COL26A1: variants seen among roughly 807,000 people sequenced by gnomAD.
COL26A1 encodes collagen type XXVI alpha 1 chain.
A neutral mutation model predicts 59.3 loss-of-function variants in COL26A1; 41 were observed. The observed-to-expected ratio is 0.69, with a 90% confidence interval of 0.54 to 0.90. The LOEUF (loss-of-function observed/expected upper bound fraction) is 0.90. Ranked by LOEUF, COL26A1 falls within the 40% of genes least tolerant of loss-of-function variation. The pLI is 0.00. For synonymous variants in COL26A1, 266 were observed against 256.0 expected, an observed-to-expected ratio of 1.04 and a Z score of -0.37; for missense variants, 612 against 602.3, an observed-to-expected ratio of 1.02 and a Z score of -0.17.
chr7:101,506,739 G>A (rs1305115265), intron 3 of COL26A1, among the ~76,000 whole-genome samples: 2 of 152,246 alleles, frequency 1.3e-5, no homozygotes, highest in African/African-American at 4.8e-5. Flanking sequence ...TAACAGCTCT[G>A]CAAGATGGTT....
intron 4 of COL26A1, among the ~76,000 whole-genome samples, chr7:101,533,989 C>T (rs749558385): frequency 1.3e-5 from 2 of 152,220 alleles, no homozygotes; most frequent in Non-Finnish European, 2.9e-5. Flanking sequence ...ACAGTGTCTG[C>T]CCCGATGGGG....
At chr7:101,388,703 AGG>A (rs1791651994) in intron 1 of COL26A1, among the ~76,000 whole-genome samples, 1 of 151,788 alleles carries the variant, frequency 6.6e-6, no homozygotes, top group Non-Finnish European at 1.5e-5. Flanking sequence ...AGCTGGGACT[AGG>A]GGCACAGCCA....
chr7:101,405,824 C>G (rs1792115631), intron 1 of COL26A1, among the ~76,000 whole-genome samples: 1 of 152,336 alleles, frequency 6.6e-6, no homozygotes, highest in East Asian at 1.9e-4. Flanking sequence ...ACATGGAAAA[C>G]TCAATCCATC....
At chr7:101,373,675 C>T (rs968066158) in intron 1 of COL26A1, among the ~76,000 whole-genome samples, 1 of 152,126 alleles carries the variant, frequency 6.6e-6, no homozygotes, top group African/African-American at 2.4e-5. Flanking sequence ...TTTAGGGGAA[C>T]CATGGAGACT....
chr7:101,522,754 T>C (rs1169637902), intron 3 of COL26A1, among the ~76,000 whole-genome samples: 1 of 151,938 alleles, frequency 6.6e-6, no homozygotes, highest in Non-Finnish European at 1.5e-5. Context: ...GGTTGTACCA[T>C]TGATACTCCC....
chr7:101,431,047 C>G lies in COL26A1; in HGVS notation c.281+10948C>G, dbSNP rs1792767436. Among the ~76,000 whole-genome samples, 3 of 152,164 alleles carry G rather than the reference C, an allele frequency of 2.0e-5. No homozygotes were observed. The South Asian group carries it at 6.2e-4, about 32-fold the overall frequency. On this transcript the variant is annotated intron_variant, in intron 2 of 12. Transcript: ENST00000313669. ...GAACTCCTGGCCTCAAGTGATCCAC[C>G]TGCCTCAGCCTCCCAAAGTGCTGGG...
At chr7:101,541,758 T>A (rs1795621885) in intron 5 of COL26A1, among the ~76,000 whole-genome samples, 1 of 152,064 alleles carries the variant, frequency 6.6e-6, no homozygotes, top group Non-Finnish European at 1.5e-5. Flanking sequence ...TTAATCACAA[T>A]TGTAATAATC....
At chr7:101,452,188 G>A (rs1793355966) in intron 3 of COL26A1, among the ~76,000 whole-genome samples, 1 of 152,088 alleles carries the variant, frequency 6.6e-6, no homozygotes, top group African/African-American at 2.4e-5. Context: ...TCAGCTTTTT[G>A]CCCTATTTCC....
At chr7:101,515,953 C>T (rs764037528) in intron 3 of COL26A1, among the ~76,000 whole-genome samples, 61 of 152,168 alleles carry the variant, frequency 4.0e-4, no homozygotes, top group Non-Finnish European at 7.2e-4. Context: ...GGGGACAGAA[C>T]TACCTCTCAG....
chr7:101,479,867 C>T (rs752991643), intron 3 of COL26A1, among the ~76,000 whole-genome samples: 6 of 152,044 alleles, frequency 3.9e-5, no homozygotes, highest in Non-Finnish European at 5.9e-5. Flanking sequence ...ATCAAATATC[C>T]ATCACCTCAA....
Position 101,507,210 on chromosome 7 carries a change from C to T in COL26A1, c.386-25872C>T, listed in dbSNP as rs181417570. ...GATTACAGATGTGAGCCACCGCGCC[C>T]GGCTTTGCCTAGAACCACTTCTAAT... is the stretch of plus-strand genomic sequence containing the variant. On this transcript the variant is annotated intron_variant, in intron 3 of 12. Transcript: ENST00000313669. 1.1e-4 allele frequency among the ~76,000 whole-genome samples: 16 copies of T among 152,232 alleles called. No individual in the cohort carries two copies. In the East Asian group the frequency reaches 2.1e-3, roughly 20 times the overall value.
intron 3 of COL26A1, among the ~76,000 whole-genome samples, chr7:101,470,969 T>C (rs962749362): frequency 1.3e-5 from 2 of 152,042 alleles, no homozygotes; most frequent in Admixed American, 6.6e-5. Flanking sequence ...TTGTTATGAA[T>C]AACAAAACAC....
At chr7:101,467,513 G>A (rs540804196) in intron 3 of COL26A1, among the ~76,000 whole-genome samples, 1 of 151,746 alleles carries the variant, frequency 6.6e-6, no homozygotes, top group South Asian at 2.1e-4. Context: ...GTGCAGACGG[G>A]TTCTCTACCT....
intron 3 of COL26A1, among the ~76,000 whole-genome samples, chr7:101,511,859 G>A (rs931669562): frequency 4.6e-5 from 7 of 152,066 alleles, no homozygotes; most frequent in Non-Finnish European, 1.0e-4. Context: ...TGGGCATGGT[G>A]GTGCACACCT....
At chr7:101,452,897 T>C (rs1793377904) in intron 3 of COL26A1, among the ~76,000 whole-genome samples, 1 of 152,070 alleles carries the variant, frequency 6.6e-6, no homozygotes, top group African/African-American at 2.4e-5. Context: ...CCCAAGTACC[T>C]GGGGTTACAG....
At chr7:101,504,193 T>G (rs1794760409) in intron 3 of COL26A1, among the ~76,000 whole-genome samples, 1 of 152,090 alleles carries the variant, frequency 6.6e-6, no homozygotes, top group African/African-American at 2.4e-5. Flanking sequence ...CTCTGTCTCC[T>G]GGGTTCAAGC....
chr7:101,427,660 T>TAAAAA (rs35360228), intron 2 of COL26A1, among the ~76,000 whole-genome samples: 6 of 147,216 alleles, frequency 4.1e-5, no homozygotes, highest in African/African-American at 1.5e-4. Flanking sequence ...AACTGTTTCT[T>TAAAAA]AAAAAAAAAA....
Position 101,555,723 on chromosome 7 carries a change from A to G in COL26A1, c.1081-64A>G, listed in dbSNP as rs781529510. On this transcript the variant is annotated intron_variant, in intron 11 of 12. Transcript: ENST00000313669. ...TTGAGGACACATACACTGTCACTGT[A>G]TCAGGATGGCCCTGACCCCTTCCTC... The G allele has an allele frequency of 1.4e-5, 18 of 1,255,754 alleles. No individual in the cohort carries two copies. In the Middle Eastern group the frequency reaches 1.2e-3, roughly 85 times the overall value. The allele number at this position is 1,255,754 out of a possible 1,614,324, so 77.8% of individuals were successfully genotyped here.
At chr7:101,367,526 G>A (rs921007305) in intron 1 of COL26A1, among the ~76,000 whole-genome samples, 10 of 105,636 alleles carry the variant, frequency 9.5e-5, no homozygotes, top group East Asian at 3.2e-4. Flanking sequence ...TTAGCCGGGC[G>A]TGGTGGTGCA....
Sources: gnomAD v4.1 joint callset for allele counts (sites outside exome capture counted in the v4.1 genomes callset) on GRCh38, gnomAD v4.1.1 for gene constraint, MANE v1.5 for transcripts, NCBI Gene and HGNC (gene_info 2026-07-23, HGNC 2026-07-21) for gene names.